The following AAGAB variants were observed in gnomAD, a reference collection of about 807,000 sequenced individuals.
AAGAB encodes alpha- and gamma-adaptin-binding protein p34.
A neutral mutation model predicts 44.1 loss-of-function variants in AAGAB; 38 were observed. The ratio of observed to expected loss-of-function variants is 0.86; its 90% confidence interval spans 0.67 to 1.13. The LOEUF (loss-of-function observed/expected upper bound fraction) is 1.13, where lower values mean the gene tolerates loss of function less well. Ranked by LOEUF, AAGAB falls within the 50% of genes most tolerant of loss-of-function variation. The probability of loss-of-function intolerance (pLI) is 0.00; values close to 1 mark genes in which losing one functional copy is unlikely to be tolerated. For synonymous variants in AAGAB, 131 were observed against 131.8 expected (o/e 0.99, Z 0.04); for missense variants, 450 against 373.8 (o/e 1.20, Z -1.68).
intron 5 of AAGAB, among the ~76,000 whole-genome samples, chr15:67,222,241 C>CGT (rs1476087650): frequency 3.0e-4 from 16 of 52,746 alleles, no homozygotes; most frequent in African/African-American, 1.3e-3. Flanking sequence ...CGCGCGCGCG[C>CGT]GCACACACAC....
upstream of AAGAB, chr15:67,255,029 C>T: frequency 5.8e-6 from 8 of 1,369,094 alleles, no homozygotes; most frequent in Non-Finnish European, 8.2e-6. Flanking sequence ...TTCACCGACG[C>T]TCACCCATTT....
In AAGAB at chr15:67,225,621, A is replaced by T. The variant is rs76553216; in HGVS notation, c.535+6193T>A. Among the ~76,000 whole-genome samples, 823 of 152,328 alleles carry T rather than the reference A, an allele frequency of 5.4e-3. 11 individuals carry two copies. Among genetic ancestry groups the T allele is most frequent in the African/African-American group, 0.019 (793 of 41,566 alleles). On this transcript the variant is annotated intron_variant, in intron 5 of 9. Coordinates refer to ENST00000261880, the MANE Select transcript of AAGAB (RefSeq NM_024666.5). ...ATCTTTATGAATTTAACTATTCTGG[A>T]TATTTCATATGAATGAAATCCTATA...
upstream of AAGAB, chr15:67,254,962 TC>T (rs1567039038): frequency 2.5e-6 from 4 of 1,610,960 alleles, no homozygotes; most frequent in Non-Finnish European, 3.4e-6. Flanking sequence ...GAAACGGGCT[TC>T]CCCCGGCCCT....
At chr15:67,238,840 C>G (rs1416074082) in intron 1 of AAGAB, among the ~76,000 whole-genome samples, 2 of 152,094 alleles carry the variant, frequency 1.3e-5, no homozygotes, top group East Asian at 3.8e-4. Context: ...GGACTACAGG[C>G]ACCCGCCACC....
rs547386874 is a variant in AAGAB, at chr15:67,251,707, CAAAAAGGT to C, written c.73+2844_73+2851del. On this transcript the variant is annotated intron_variant, in intron 1 of 9. Coordinates refer to ENST00000261880, the MANE Select transcript of AAGAB (RefSeq NM_024666.5). ...TACATGAAGTAGAACCAAACTTTCC[CAAAAAGGT>C]AGATCCAATTCAATCCAAAACTATT... Among the ~76,000 whole-genome samples the C allele has an allele frequency of 6.6e-5, 10 of 152,300 alleles. No homozygotes were observed. The South Asian group carries it at 2.1e-3, about 32-fold the overall frequency.
chr15:67,232,640 C>CA, intron 4 of AAGAB: 1 of 330,814 alleles, frequency 3.0e-6, no homozygotes, highest in South Asian at 3.0e-5. Flanking sequence ...TTGGTGGTGG[C>CA]AAGACTACTG....
rs529961783 is a variant in AAGAB at position 67,217,674 on chromosome 15, A to G, written c.536-8130T>C. ...TGCCTCAGCCTCCTGAGTAGCTGGG[A>G]CTACAGGTGCCCACCACCACGCCCA... On this transcript the variant is annotated intron_variant, in intron 5 of 9. Transcript: ENST00000261880. Among the ~76,000 whole-genome samples, 3 of 152,128 alleles carry G rather than the reference A, an allele frequency of 2.0e-5. No individual in the cohort carries two copies. In the South Asian group the frequency reaches 6.2e-4, roughly 32 times the overall value.
rs370826027 is a variant in AAGAB, at chr15:67,222,242, G to GCACACACACACACACACACACA, written c.535+9550_535+9571dup. 2.8e-4 allele frequency among the ~76,000 whole-genome samples: 25 copies of GCACACACACACACACACACACA among 90,122 alleles called. No homozygotes were observed. In the East Asian group the frequency reaches 3.7e-3, roughly 13 times the overall value. 59.1% of individuals were successfully genotyped at this position (90,122 alleles called of 152,430 possible). A position where few individuals can be genotyped will look rare whatever the true frequency, so the allele number is the denominator to read the frequency against. ...TGCATGCACGCGCACGCGCGCGCGC[G>GCACACACACACACACACACACA]CACACACACACACACACACACACAC... On this transcript the variant is annotated intron_variant, in intron 5 of 9. Coordinates refer to ENST00000261880, the MANE Select transcript of AAGAB (RefSeq NM_024666.5).
Position 67,201,222 on chromosome 15 carries a change from T to A in AAGAB, c.*1599A>T. The stretch of plus-strand genomic sequence containing the variant: ...CCCAGAGCCAACTTCCCTAATGCAA[T>A]CACCTCAAAGAAACACTGATGGGCT... On this transcript the variant is annotated 3_prime_UTR_variant, in exon 10 of 10. Transcript: ENST00000261880. 1 of 146,112 alleles carries A rather than the reference T, an allele frequency of 6.8e-6. No individual in the cohort carries two copies. The highest frequency in any genetic ancestry group is 2.5e-5 in the African/African-American group (1 of 39,404). 9.1% of individuals were successfully genotyped at this position (146,112 alleles called of 1,614,324 possible).
At chr15:67,203,355 T>C (rs146987238) in intron 9 of AAGAB, among the ~76,000 whole-genome samples, 193 bp downstream of exon 9, 1 of 152,332 alleles carries the variant, frequency 6.6e-6, no homozygotes, top group Non-Finnish European at 1.5e-5. Flanking sequence ...TCACTCACCA[T>C]CCAGGTGAAA....
At chr15:67,229,234 C>A (rs1964275905) in intron 5 of AAGAB, among the ~76,000 whole-genome samples, 1 of 152,106 alleles carries the variant, frequency 6.6e-6, no homozygotes, top group African/African-American at 2.4e-5. Flanking sequence ...GAGTTCAAGA[C>A]CAGCCTGGCC....
At chr15:67,228,212 A>T (rs1204403227) in intron 5 of AAGAB, among the ~76,000 whole-genome samples, 5 of 152,252 alleles carry the variant, frequency 3.3e-5, no homozygotes, top group African/African-American at 1.2e-4. Context: ...TCAAAAAGTG[A>T]ATAAAGCCAA....
chr15:67,217,172 G>A (rs1963970903), intron 5 of AAGAB, among the ~76,000 whole-genome samples: 2 of 152,034 alleles, frequency 1.3e-5, no homozygotes, highest in African/African-American at 4.8e-5. Flanking sequence ...ACAATATTAG[G>A]TCCTGGGTTA....
intron 5 of AAGAB, among the ~76,000 whole-genome samples, chr15:67,230,042 CG>C (rs1252728835): frequency 6.6e-6 from 1 of 151,146 alleles, no homozygotes; most frequent in Non-Finnish European, 1.5e-5. Context: ...TTAGCAGAGA[CG>C]GGGTAGCACA....
intron 5 of AAGAB, among the ~76,000 whole-genome samples, chr15:67,215,833 TA>T (rs1326240289): frequency 1.3e-5 from 2 of 152,190 alleles, no homozygotes; most frequent in African/African-American, 4.8e-5. Flanking sequence ...ACAAAATAAT[TA>T]CGAGAATCAA....
At chr15:67,209,567 G>A in intron 5 of AAGAB, 23 bp from the exon 6 acceptor site, 1 of 1,575,344 alleles carries the variant, frequency 6.3e-7, no homozygotes, top group Middle Eastern at 1.7e-4. Context: ...AATACACTTA[G>A]TGAAATTTGT....
intron 1 of AAGAB, among the ~76,000 whole-genome samples, chr15:67,249,946 T>C (rs1317873583): frequency 1.3e-5 from 2 of 152,188 alleles, no homozygotes; most frequent in Non-Finnish European, 2.9e-5. Context: ...TTGCTATGAT[T>C]ATAAGAGCTC....
chr15:67,245,183 G>T (rs1007202405), intron 1 of AAGAB, among the ~76,000 whole-genome samples: 11 of 152,104 alleles, frequency 7.2e-5, no homozygotes, highest in Admixed American at 7.2e-4. Flanking sequence ...AATGAAAACA[G>T]ATGTCCCATG....
chr15:67,232,271 C>A (rs1432009525), intron 4 of AAGAB, among the ~76,000 whole-genome samples: 1 of 148,056 alleles, frequency 6.8e-6, no homozygotes, highest in Non-Finnish European at 1.5e-5. Flanking sequence ...AAAAAAGTTA[C>A]GTATATATCC....
Sources: gnomAD v4.1 joint callset for allele counts (sites outside exome capture counted in the v4.1 genomes callset) on GRCh38, gnomAD v4.1.1 for gene constraint, MANE v1.5 for transcripts, NCBI Gene and HGNC (gene_info 2026-07-23, HGNC 2026-07-21) for gene names.